The following SLC12A2 variants were observed in gnomAD, a reference collection of about 807,000 sequenced individuals.
The protein encoded by SLC12A2 is solute carrier family 12 member 2, also known as Na-K-2Cl cotransporter 1.
SLC12A2 carries 67 observed loss-of-function variants against 136.3 expected under a neutral mutation model. The ratio of observed to expected loss-of-function variants is 0.49; its 90% CI spans 0.40 to 0.60. The LOEUF (loss-of-function observed/expected upper bound fraction) is 0.60, where lower values mean the gene tolerates loss of function less well. Among genes scored for constraint, SLC12A2 ranks in the 20% least tolerant of loss-of-function variants. SLC12A2 has a pLI of 0.00. For missense variants in SLC12A2, 1,322 were observed against 1,534.7 expected (o/e 0.86, Z 2.32); for synonymous variants, 619 against 562.9 (o/e 1.10, Z -1.41).
intron 19 of SLC12A2, among the ~76,000 whole-genome samples, chr5:128,172,525 T>G (rs1465733706): frequency 6.6e-6 from 1 of 152,246 alleles, no homozygotes; most frequent in Non-Finnish European, 1.5e-5. Flanking sequence ...TCCCACTATG[T>G]ACTTTGTCTC....
chr5:128,151,911 A>G (rs2568928), intron 14 of SLC12A2, among the ~76,000 whole-genome samples: 125,236 of 152,074 alleles, frequency 0.82, 52,235 homozygotes, highest in African/African-American at 0.95. Context: ...GTTTTAACTG[A>G]GTAATGATTA....
At chr5:128,139,445 T>TA (rs989547762) in intron 9 of SLC12A2, among the ~76,000 whole-genome samples, 1 of 152,204 alleles carries the variant, frequency 6.6e-6, no homozygotes, top group Admixed American at 6.5e-5. Context: ...ACCATGTTAT[T>TA]ACTTCATGGG....
intron 4 of SLC12A2, among the ~76,000 whole-genome samples, chr5:128,130,730 T>A (rs558762463): frequency 1.8e-4 from 28 of 152,154 alleles, no homozygotes; most frequent in African/African-American, 6.7e-4. Context: ...ATTAAATATA[T>A]TAGAAATTCA....
rs1003582534 is a variant in SLC12A2 at position 128,109,943 on chromosome 5, A to C, written c.757-2871A>C. ...CTGGCTACGGGGGATGAACTGCCCA[A>C]CTGGAAACCATTGCTCAGATTCAGA... is the stretch of plus-strand genomic sequence containing the variant. On this transcript the variant is annotated intron_variant, in intron 1 of 26. Transcript: ENST00000262461. 4.6e-6 allele frequency: 4 copies of C among 866,500 alleles called. No homozygotes were observed. The East Asian group carries it at 9.6e-5, about 21-fold the overall frequency. 53.7% of individuals were successfully genotyped at this position (866,500 alleles called of 1,614,324 possible).
chr5:128,109,745 GT>G, intron 1 of SLC12A2: 2 of 1,049,956 alleles, frequency 1.9e-6, no homozygotes, highest in Non-Finnish European at 3.0e-6. Flanking sequence ...TGGAGTCCAG[GT>G]TTTAGACTAA....
At chr5:128,127,253 C>T (rs1198932710) in intron 4 of SLC12A2, among the ~76,000 whole-genome samples, 4 of 149,592 alleles carry the variant, frequency 2.7e-5, no homozygotes, top group Non-Finnish European at 4.4e-5. Context: ...TCCCGAGTAG[C>T]CGGGACTACA....
intron 1 of SLC12A2, among the ~76,000 whole-genome samples, chr5:128,095,542 A>G (rs1360051595): frequency 6.6e-6 from 1 of 152,180 alleles, no homozygotes; most frequent in Non-Finnish European, 1.5e-5. Context: ...TTTTATAAAC[A>G]GGCAAAGTAT....
Position 128,188,902 on chromosome 5 carries a change from T to C in SLC12A2, c.*2271T>C, listed in dbSNP as rs575789495. On this transcript the variant is annotated 3_prime_UTR_variant, in exon 27 of 27. Coordinates refer to ENST00000262461, the MANE Select transcript of SLC12A2 (RefSeq NM_001046.3). ...TGGACTGAGTGCTGCTATCTTGAAA[T>C]GTGCACAGGTACACTTACCTTTTTT... The C allele has an allele frequency of 6.6e-6, 1 of 151,726 alleles. No homozygotes were observed. Among genetic ancestry groups the C allele is most frequent in the African/African-American group, 2.4e-5 (1 of 41,140 alleles). 9.4% of individuals were successfully genotyped at this position (151,726 alleles called of 1,614,324 possible). A position where few individuals can be genotyped will look rare whatever the true frequency, so the allele number is the denominator to read the frequency against.
Position 128,138,727 on chromosome 5 carries a change from A to G in SLC12A2, c.1536+3A>G, listed in dbSNP as rs1762262587. ...CAAATATCTCAGGTGATCTTGCAGT[A>G]AGTATTATAAAGTGCTATATCAATT... On this transcript the variant is annotated splice_donor_region_variant and intron_variant, in intron 8 of 26. Coordinates refer to ENST00000262461, the MANE Select transcript of SLC12A2 (RefSeq NM_001046.3). The G allele has an allele frequency of 1.2e-6, 2 of 1,610,090 alleles. No individual in the cohort carries two copies. Among genetic ancestry groups the G allele is most frequent in the Non-Finnish European group, 1.7e-6 (2 of 1,178,226 alleles).
chr5:128,147,627 G>A lies in SLC12A2; in HGVS notation c.1779G>A (p.Met593Ile). ...SYGLMNNFQV[M>I]SMVSGFTPLI... ...TTTTGTCACTTTTATTTAAGGTAAT[G>A]AGTATGGTGTCAGGATTTACACCAC... Residue 593 changes from methionine (M) to isoleucine (I), a missense_variant, in exon 11 of 27, where the codon ATG becomes ATA. Physicochemically the swap from Met to Ile is conservative, Grantham distance 10 (BLOSUM62 1). Coordinates refer to ENST00000262461, the MANE Select transcript of SLC12A2 (RefSeq NM_001046.3). The A allele has an allele frequency of 6.3e-7, 1 of 1,593,618 alleles. No individual in the cohort carries two copies. The highest frequency in any genetic ancestry group is 1.1e-5 in the South Asian group (1 of 90,028).
chr5:128,136,907 C>T (rs1216848775), intron 7 of SLC12A2, among the ~76,000 whole-genome samples: 2 of 152,180 alleles, frequency 1.3e-5, no homozygotes, highest in Non-Finnish European at 2.9e-5. Context: ...TTTGAAGTCT[C>T]TCCTACTTAT....
intron 23 of SLC12A2, among the ~76,000 whole-genome samples, chr5:128,181,512 AC>A (rs1001351656): frequency 3.3e-5 from 5 of 152,132 alleles, no homozygotes; most frequent in Admixed American, 2.6e-4. Flanking sequence ...ATAATCTTCA[AC>A]CTAATTAATA....
chr5:128,116,914 GA>G (rs953902939), intron 4 of SLC12A2, among the ~76,000 whole-genome samples: 3 of 152,004 alleles, frequency 2.0e-5, no homozygotes, highest in African/African-American at 2.4e-5. Flanking sequence ...TTGGTATCAT[GA>G]AAAAAATATT....
Position 128,187,593 on chromosome 5 carries a change from G to C in SLC12A2, c.*962G>C, listed in dbSNP as rs778250378. On this transcript the variant is annotated 3_prime_UTR_variant, in exon 27 of 27. Transcript: ENST00000262461. ...TATTTAAGTGGAATTTCAGTATACT[G>C]TACTATCCTTTATAAGTCATTAAAA... The C allele has an allele frequency of 6.6e-6, 1 of 152,346 alleles. No individual in the cohort carries two copies. The highest frequency in any genetic ancestry group is 1.5e-5 in the Non-Finnish European group (1 of 67,986). The allele number at this position is 152,346 out of a possible 1,614,324, so 9.4% of individuals were successfully genotyped here.
chr5:128,130,945 CTT>C, intron 4 of SLC12A2, 120 bp from the exon 5 acceptor site: 1 of 846,744 alleles, frequency 1.2e-6, no homozygotes, highest in East Asian at 2.5e-5. Context: ...TCACTTGCCT[CTT>C]TAACTGCTCT....
intron 17 of SLC12A2, among the ~76,000 whole-genome samples, chr5:128,162,250 G>A (rs1257444001): frequency 6.6e-6 from 1 of 152,112 alleles, no homozygotes; most frequent in Non-Finnish European, 1.5e-5. Flanking sequence ...TAGTAATTAA[G>A]ACATTGTGGT....
intron 1 of SLC12A2, among the ~76,000 whole-genome samples, chr5:128,090,597 A>G (rs1760272189): frequency 6.6e-6 from 1 of 152,174 alleles, no homozygotes; most frequent in South Asian, 2.1e-4. Context: ...GGTAGGAGAC[A>G]ATAAACAAAC....
chr5:128,131,944 G>A (rs1762036839), intron 5 of SLC12A2, among the ~76,000 whole-genome samples: 1 of 152,224 alleles, frequency 6.6e-6, no homozygotes, highest in African/African-American at 2.4e-5. Flanking sequence ...GGCAAAGGTT[G>A]CGGTGAGCCG....
chr5:128,150,798 T>C (rs1448864226), intron 13 of SLC12A2, among the ~76,000 whole-genome samples: 1 of 151,902 alleles, frequency 6.6e-6, no homozygotes, highest in Admixed American at 6.6e-5. Flanking sequence ...ATTATGTTTT[T>C]AATGATTTTT....
Sources: gnomAD v4.1 joint callset for allele counts (sites outside exome capture counted in the v4.1 genomes callset) on GRCh38, gnomAD v4.1.1 for gene constraint, MANE v1.5 for transcripts, NCBI Gene and HGNC (gene_info 2026-07-23, HGNC 2026-07-21) for gene names.